NRBF2: variants seen among roughly 807,000 people sequenced by gnomAD.
NRBF2 encodes the protein nuclear receptor-binding factor 2.
Under a neutral mutation model 28.5 loss-of-function variants are expected in NRBF2, and 12 were observed. That is an observed-to-expected ratio of 0.42 (90% confidence interval 0.27 to 0.68). The LOEUF is 0.68. NRBF2 is among the 30% of genes least tolerant of loss of function. NRBF2 has a pLI of 0.24. For synonymous variants in NRBF2, 102 were observed against 116.5 expected, an observed-to-expected ratio of 0.88 and a Z score of 0.80; for missense variants, 274 against 333.5, an observed-to-expected ratio of 0.82 and a Z score of 1.39.
intron 2 of NRBF2, among the ~76,000 whole-genome samples, chr10:63,147,131 G>C (rs892075471): frequency 6.6e-6 from 1 of 152,140 alleles, no homozygotes; most frequent in Non-Finnish European, 1.5e-5. Context: ...GAAGTCTTCT[G>C]CTGGCAGGCA....
At chr10:63,134,137 C>T (rs1051896000) in intron 1 of NRBF2, among the ~76,000 whole-genome samples, 1 of 152,092 alleles carries the variant, frequency 6.6e-6, no homozygotes, top group Non-Finnish European at 1.5e-5. Context: ...TCAGATTCAT[C>T]AATTTAGGCA....
At chr10:63,138,213 T>C (rs1841403949) in intron 1 of NRBF2, among the ~76,000 whole-genome samples, 1 of 152,088 alleles carries the variant, frequency 6.6e-6, no homozygotes, top group African/African-American at 2.4e-5. Context: ...CTTGGGAGGC[T>C]GAGGCAGGAG....
chr10:63,134,520 A>T (rs1039069375), intron 1 of NRBF2, among the ~76,000 whole-genome samples: 21 of 152,148 alleles, frequency 1.4e-4, no homozygotes, highest in African/African-American at 4.6e-4. Context: ...TTTTGAAGCT[A>T]TGCTGCTTGG....
chr10:63,145,917 C>A (rs1841553164), intron 1 of NRBF2, among the ~76,000 whole-genome samples: 1 of 152,158 alleles, frequency 6.6e-6, no homozygotes, highest in Non-Finnish European at 1.5e-5. Context: ...GATTGTAACT[C>A]TTGGTTTATC....
chr10:63,144,424 T>TG (rs1841527762), intron 1 of NRBF2, among the ~76,000 whole-genome samples: 1 of 151,360 alleles, frequency 6.6e-6, no homozygotes, highest in African/African-American at 2.4e-5. Flanking sequence ...TCCCTTTTTT[T>TG]TTTTTTTTGA....
At chr10:63,147,384 G>A (rs112806424) in intron 2 of NRBF2, among the ~76,000 whole-genome samples, 3,736 of 150,950 alleles carry the variant, frequency 0.025, 144 homozygotes, top group African/African-American at 0.086. Context: ...CAGTGGCACC[G>A]TCTCAGCTCA....
intron 1 of NRBF2, among the ~76,000 whole-genome samples, chr10:63,140,659 C>G (rs1300350701): frequency 6.6e-6 from 1 of 151,448 alleles, no homozygotes; most frequent in Non-Finnish European, 1.5e-5. Context: ...CTCGGCCTCA[C>G]AGAGCGCTGG....
chr10:63,147,516 G>A (rs548277290), intron 2 of NRBF2, among the ~76,000 whole-genome samples: 4 of 151,386 alleles, frequency 2.6e-5, no homozygotes, highest in Non-Finnish European at 5.9e-5. Context: ...GTTTCTCCAT[G>A]TTGGCCAGGC....
intron 1 of NRBF2, among the ~76,000 whole-genome samples, chr10:63,142,679 TGC>T (rs1841491593): frequency 6.6e-6 from 1 of 152,060 alleles, no homozygotes; most frequent in Non-Finnish European, 1.5e-5. Context: ...TACTAGAAAA[TGC>T]TCATGTGTTC....
At chr10:63,138,298 G>A (rs976240560) in intron 1 of NRBF2, among the ~76,000 whole-genome samples, 2 of 151,558 alleles carry the variant, frequency 1.3e-5, no homozygotes, top group African/African-American at 4.9e-5. Flanking sequence ...GGGTGACAGA[G>A]TGAAACTCCG....
intron 1 of NRBF2, 143 bp from the exon 2 acceptor site, chr10:63,146,066 C>G (rs1841555887): frequency 7.5e-6 from 5 of 670,376 alleles, no homozygotes; most frequent in Non-Finnish European, 1.3e-5. Context: ...TTACATTTCC[C>G]CAGCTACAGA....
chr10:63,144,804 CTTTCACCT>C (rs1471134079), intron 1 of NRBF2, among the ~76,000 whole-genome samples: 1 of 152,162 alleles, frequency 6.6e-6, no homozygotes, highest in Admixed American at 6.6e-5. Flanking sequence ...ATCTGGATTG[CTTTCACCT>C]TTTGGCTGTT....
intron 3 of NRBF2, 36 bp downstream of exon 3, chr10:63,152,226 G>C (rs553690622): frequency 6.4e-7 from 1 of 1,571,134 alleles, no homozygotes; most frequent in East Asian, 2.2e-5. Flanking sequence ...ACAAGGGTTA[G>C]AAAGGTTTTC....
chr10:63,153,898 G>A lies in NRBF2; in HGVS notation c.544G>A (p.Val182Met). Reference protein sequence around the residue: ...ATKIADLKRHVEFLVAENERL... With the variant: ...ATKIADLKRHMEFLVAENERL... ...CAAAATTGCAGATTTGAAGAGGCAT[G>A]TGGAATTCCTTGTGGCTGAGAATGA... The change falls in exon 4 of 4, where the codon GTG (valine) becomes ATG (methionine). Residue 182 changes from valine (V) to methionine (M), a missense_variant. Physicochemically the swap from Val to Met is conservative, Grantham distance 21. Transcript: ENST00000277746. 6.2e-7 allele frequency: 1 copy of A among 1,612,030 alleles called. No homozygotes were observed. Among genetic ancestry groups the A allele is most frequent in the Non-Finnish European group, 8.5e-7 (1 of 1,179,804 alleles).
intron 2 of NRBF2, among the ~76,000 whole-genome samples, chr10:63,147,441 C>G (rs1316065462): frequency 6.6e-6 from 1 of 151,942 alleles, no homozygotes; most frequent in Non-Finnish European, 1.5e-5. Context: ...CTGCCTCAGC[C>G]TCCCGAGTAG....
intron 1 of NRBF2, among the ~76,000 whole-genome samples, chr10:63,142,302 G>GTTTTTT (rs141743950): frequency 1.4e-4 from 18 of 133,196 alleles, no homozygotes; most frequent in Non-Finnish European, 2.0e-4. Flanking sequence ...TGTTTTTTTT[G>GTTTTTT]TTTTTTTTGT....
At chr10:63,152,694 T>C (rs1841668076) in intron 3 of NRBF2, among the ~76,000 whole-genome samples, 1 of 152,208 alleles carries the variant, frequency 6.6e-6, no homozygotes, top group South Asian at 2.1e-4. Context: ...GCCAAGTGTT[T>C]CAAGATACAT....
At chr10:63,144,681 G>T (rs1189846899) in intron 1 of NRBF2, among the ~76,000 whole-genome samples, 1 of 152,166 alleles carries the variant, frequency 6.6e-6, no homozygotes, top group Non-Finnish European at 1.5e-5. Flanking sequence ...CTCCAAAAGT[G>T]CTAGGATTAC....
At chr10:63,141,837 C>T (rs374010516) in intron 1 of NRBF2, among the ~76,000 whole-genome samples, 7 of 152,172 alleles carry the variant, frequency 4.6e-5, no homozygotes, top group African/African-American at 9.6e-5. Context: ...ACTTAAAATA[C>T]GAAATTTGAT....
Sources: allele counts gnomAD v4.1 joint callset (sites outside exome capture counted in the v4.1 genomes callset), GRCh38; gene constraint gnomAD v4.1.1; transcripts MANE v1.5; gene names NCBI Gene and HGNC (gene_info 2026-07-23, HGNC 2026-07-21).